Variants in GRAMD1C observed in about 807,000 individuals in gnomAD.
GRAMD1C encodes protein Aster-C.
A neutral mutation model predicts 97.8 loss-of-function variants in GRAMD1C; 89 were observed. The ratio of observed to expected loss-of-function variants is 0.91; its 90% confidence interval spans 0.77 to 1.09. The LOEUF is 1.09. GRAMD1C is among the 50% of genes least tolerant of loss of function. GRAMD1C has a pLI of 0.00. For missense variants in GRAMD1C, 740 were observed against 766.4 expected (o/e 0.97, Z 0.41); for synonymous variants, 256 against 267.0 (o/e 0.96, Z 0.40).
In GRAMD1C at chr3:113,876,174, G is replaced by T. The variant is rs1438803909; in HGVS notation, c.373G>T (p.Ala125Ser). The T allele has an allele frequency of 6.5e-7, 1 of 1,548,706 alleles. No homozygotes were observed. Residue 125 changes from alanine (A) to serine (S), a missense_variant, in exon 5 of 18, where the codon GCT becomes TCT. By Grantham distance (99) the Ala-to-Ser change is moderately conservative (BLOSUM62 1). Transcript: ENST00000358160. ...TTTTTTGTGTGTTTAGATTTCTATT[G>T]CTTTAAAGAATATAACCTTCATGAC... is the stretch of plus-strand genomic sequence containing the variant. ...IFRWETTISIALKNITFMTKE... is the reference protein window; with the variant it reads ...IFRWETTISISLKNITFMTKE...
chr3:113,833,120 C>CTTTTTTTTTTTTTTTTTTTTT (rs200062835), intron 1 of GRAMD1C, among the ~76,000 whole-genome samples: 2 of 129,474 alleles, frequency 1.5e-5, no homozygotes, highest in Non-Finnish European at 1.6e-5. Context: ...TTCTTTCTTT[C>CTTTTTTTTTTTTTTTTTTTTT]TTTTTTTTTT....
chr3:113,876,311 C>T (rs1353150836), intron 5 of GRAMD1C, 51 bp downstream of exon 5: 2 of 869,734 alleles, frequency 2.3e-6, no homozygotes. Context: ...GAAAATCTCC[C>T]TCATACTCAT....
chr3:113,919,298 G>C, intron 10 of GRAMD1C: 1 of 474,318 alleles, frequency 2.1e-6, no homozygotes, highest in Non-Finnish European at 4.2e-6. Flanking sequence ...CCAGGAAAAT[G>C]ACAGAAATGA....
intron 10 of GRAMD1C, among the ~76,000 whole-genome samples, chr3:113,921,430 A>C (rs1366917093): frequency 6.6e-6 from 1 of 152,196 alleles, no homozygotes; most frequent in Non-Finnish European, 1.5e-5. Flanking sequence ...ATACTTGTGC[A>C]TGTGTCTTTA....
intron 10 of GRAMD1C, among the ~76,000 whole-genome samples, chr3:113,929,942 G>A (rs1389596182): frequency 1.3e-5 from 2 of 152,158 alleles, no homozygotes; most frequent in East Asian, 3.8e-4. Context: ...GTCGATTTGT[G>A]CTGGGGCATT....
At chr3:113,916,395 C>T (rs528741574) in intron 10 of GRAMD1C, among the ~76,000 whole-genome samples, 7 of 152,030 alleles carry the variant, frequency 4.6e-5, no homozygotes, top group Non-Finnish European at 1.0e-4. Flanking sequence ...GTGTATATTC[C>T]CACAAAAGAA....
In GRAMD1C at chr3:113,844,656, T is replaced by G; in HGVS notation, c.174+7T>G. ...TGGTGACTGGAGCTTTTGGGTAATT[T>G]CTTTTTTTACGTCTTTATTTTAATC... On this transcript the variant is annotated splice_region_variant and intron_variant, in intron 2 of 17. Coordinates refer to ENST00000358160, the MANE Select transcript of GRAMD1C (RefSeq NM_017577.5). The G allele has an allele frequency of 6.4e-7, 1 of 1,573,178 alleles. No homozygotes were observed. Among genetic ancestry groups the G allele is most frequent in the Non-Finnish European group, 8.6e-7 (1 of 1,162,296 alleles).
Position 113,832,487 on chromosome 3 carries a change from C to T in GRAMD1C, n.98+4208C>T, listed in dbSNP as rs538733794. ...ATAAAATTAACCATTTTATCCATTT[C>T]AAGTATGGTTCAGTGACATTACGTG... is the stretch of plus-strand genomic sequence containing the variant. On this transcript the variant is annotated intron_variant and non_coding_transcript_variant, in intron 1 of 18. Coordinates refer to the GRAMD1C transcript ENST00000479212. 2.0e-5 allele frequency among the ~76,000 whole-genome samples: 3 copies of T among 152,288 alleles called. No homozygotes were observed. The East Asian group carries it at 5.8e-4, about 29-fold the overall frequency.
At chr3:113,873,133 G>C (rs947006197) in intron 3 of GRAMD1C, among the ~76,000 whole-genome samples, 1 of 147,472 alleles carries the variant, frequency 6.8e-6, no homozygotes, top group Non-Finnish European at 1.5e-5. Flanking sequence ...GGTGGCGCAC[G>C]CTTTTAATCC....
chr3:113,930,481 A>T (rs1210628588), intron 10 of GRAMD1C, among the ~76,000 whole-genome samples: 1 of 152,228 alleles, frequency 6.6e-6, no homozygotes, highest in Admixed American at 6.5e-5. Context: ...AAGGATATTA[A>T]TAAACAATTT....
upstream of GRAMD1C, among the ~76,000 whole-genome samples, chr3:113,835,613 T>A (rs1344756088): frequency 6.6e-6 from 1 of 152,234 alleles, no homozygotes; most frequent in East Asian, 1.9e-4. Flanking sequence ...TTATTCTGAT[T>A]GGGTATCTTA....
intron 15 of GRAMD1C, chr3:113,938,802 T>C (rs1937634927): frequency 6.6e-6 from 1 of 152,220 alleles, no homozygotes; most frequent in Admixed American, 6.5e-5. Context: ...TGAGGCACTA[T>C]GTTAGATTTA....
At chr3:113,859,987 A>G (rs6438168) in intron 2 of GRAMD1C, among the ~76,000 whole-genome samples, 2,810 of 152,268 alleles carry the variant, frequency 0.018, 101 homozygotes, top group African/African-American at 0.065. Context: ...TAAGAAAACA[A>G]TTCCATTTAT....
At chr3:113,875,461 G>A (rs930373547) in intron 3 of GRAMD1C, 23 bp from the exon 4 acceptor site, 4 of 958,684 alleles carry the variant, frequency 4.2e-6, no homozygotes, top group African/African-American at 3.2e-5. Flanking sequence ...TGAATAAGCT[G>A]TATCTTATTT....
chr3:113,903,716 G>T (rs1321371341), intron 7 of GRAMD1C, among the ~76,000 whole-genome samples: 1 of 151,738 alleles, frequency 6.6e-6, no homozygotes, highest in Non-Finnish European at 1.5e-5. Context: ...GGAGGGCTTC[G>T]CCATTTCAGC....
chr3:113,911,150 G>A (rs1936554369), intron 9 of GRAMD1C, among the ~76,000 whole-genome samples: 1 of 86,982 alleles, frequency 1.1e-5, no homozygotes, highest in Non-Finnish European at 2.5e-5. Context: ...GGGAGGAGCA[G>A]AGCAGGGAAC....
chr3:113,843,049 G>GTTTTTTTTT (rs71144092), intron 1 of GRAMD1C, among the ~76,000 whole-genome samples: 13 of 53,418 alleles, frequency 2.4e-4, no homozygotes, highest in African/African-American at 3.5e-4. Flanking sequence ...ACCATAAGCT[G>GTTTTTTTTT]TTTTTTTTTT....
At chr3:113,846,084 T>C (rs1933597353) in intron 2 of GRAMD1C, among the ~76,000 whole-genome samples, 1 of 149,174 alleles carries the variant, frequency 6.7e-6, no homozygotes, top group Admixed American at 6.9e-5. Context: ...ATGACAATAT[T>C]GTAGTATTAT....
At position 113,930,811 on chromosome 3, in the gene GRAMD1C, C is replaced by A; in HGVS notation, c.1188C>A (p.Cys396Ter). 1 of 1,584,744 alleles carries A rather than the reference C, an allele frequency of 6.3e-7. No homozygotes were observed. Among genetic ancestry groups the A allele is most frequent in the Non-Finnish European group, 8.7e-7 (1 of 1,153,348 alleles). The change falls in exon 11 of 18, where the codon TGC becomes TGA. Residue 396 changes from cysteine to a stop codon, truncating the protein, a stop_gained. Transcript: ENST00000358160. LOFTEE classifies it high-confidence loss of function. ...IVLNSPLTGK[C>*]TAATEKQTLY... The stretch of plus-strand genomic sequence containing the variant: ...TTAATAGTCCACTTACTGGAAAATG[C>A]ACTGCTGCCACTGAAAAGCAGGTAC...
Sources: allele counts gnomAD v4.1 joint callset (sites outside exome capture counted in the v4.1 genomes callset), GRCh38; gene constraint gnomAD v4.1.1; transcripts MANE v1.5; gene names NCBI Gene and HGNC (gene_info 2026-07-23, HGNC 2026-07-21).